ASXL3: variants seen among roughly 807,000 people sequenced by gnomAD.
The protein encoded by ASXL3 is ASXL transcriptional regulator 3.
A neutral mutation model predicts 170.6 loss-of-function variants in ASXL3; 34 were observed. That is an observed-to-expected ratio of 0.20 (90% CI 0.15 to 0.27). The LOEUF (loss-of-function observed/expected upper bound fraction) is 0.27. Among genes scored for constraint, ASXL3 ranks in the 10% least tolerant of loss-of-function variants. The probability of loss-of-function intolerance (pLI) is 1.00; values close to 1 mark genes in which losing one functional copy is unlikely to be tolerated. For synonymous variants in ASXL3, 1,002 were observed against 989.1 expected (o/e 1.01, Z -0.24); for missense variants, 2,592 against 2,695.3 (o/e 0.96, Z 0.85).
intron 8 of ASXL3, among the ~76,000 whole-genome samples, chr18:33,708,603 T>C (rs1941698): frequency 0.55 from 83,690 of 151,580 alleles, 23,531 homozygotes; most frequent in East Asian, 0.87. Context: ...TTGGGGATGG[T>C]TACCTGTCCT....
At chr18:33,640,995 T>C (rs1005491289) in intron 2 of ASXL3, among the ~76,000 whole-genome samples, 2 of 152,014 alleles carry the variant, frequency 1.3e-5, no homozygotes, top group Non-Finnish European at 2.9e-5. Context: ...GTTTAATATA[T>C]GTATTACTGA....
intron 8 of ASXL3, among the ~76,000 whole-genome samples, chr18:33,684,613 A>T (rs1237523721): frequency 6.6e-6 from 1 of 152,128 alleles, no homozygotes; most frequent in Non-Finnish European, 1.5e-5. Context: ...TTCTCTTTCA[A>T]TAACATTTAC....
chr18:33,636,825 G>GT (rs2145184169), intron 2 of ASXL3, among the ~76,000 whole-genome samples: 1 of 152,186 alleles, frequency 6.6e-6, no homozygotes, highest in African/African-American at 2.4e-5. Flanking sequence ...TTGAATATTT[G>GT]TGTTATACCA....
At chr18:33,649,345 A>G (rs1239385162) in intron 4 of ASXL3, among the ~76,000 whole-genome samples, 2 of 152,088 alleles carry the variant, frequency 1.3e-5, no homozygotes, top group African/African-American at 4.8e-5. Flanking sequence ...GTAGGCCAGT[A>G]CTTGTGGAAG....
intron 2 of ASXL3, among the ~76,000 whole-genome samples, chr18:33,618,751 A>G (rs1196678297): frequency 6.6e-6 from 1 of 152,114 alleles, no homozygotes; most frequent in African/African-American, 2.4e-5. Flanking sequence ...TCTGTGAAGC[A>G]TATCTTAAGC....
intron 2 of ASXL3, among the ~76,000 whole-genome samples, chr18:33,621,553 A>C (rs1225789176): frequency 1.3e-5 from 2 of 152,118 alleles, no homozygotes; most frequent in Non-Finnish European, 2.9e-5. Flanking sequence ...GTGATCTAAA[A>C]TTTTTGATTC....
At chr18:33,640,932 G>A (rs1388753247) in intron 2 of ASXL3, among the ~76,000 whole-genome samples, 1 of 151,514 alleles carries the variant, frequency 6.6e-6, no homozygotes, top group Admixed American at 6.6e-5. Context: ...AATGTTAGCA[G>A]GAAATAGATT....
intron 1 of ASXL3, chr18:33,578,945 C>T: frequency 5.4e-6 from 1 of 186,140 alleles, no homozygotes; most frequent in East Asian, 1.5e-4. Flanking sequence ...GTACTTCGCT[C>T]TCGGGGCTCT....
At chr18:33,729,700 G>A (rs1271590896) in intron 8 of ASXL3, among the ~76,000 whole-genome samples, 1 of 152,110 alleles carries the variant, frequency 6.6e-6, no homozygotes, top group African/African-American at 2.4e-5. Flanking sequence ...GTCTCAAGCT[G>A]GTTTTAAGGA....
At chr18:33,596,826 C>G (rs561066540) in intron 1 of ASXL3, among the ~76,000 whole-genome samples, 17 of 152,142 alleles carry the variant, frequency 1.1e-4, no homozygotes, top group African/African-American at 3.4e-4. Flanking sequence ...CATTCATTTA[C>G]TCATTTTGAG....
intron 8 of ASXL3, among the ~76,000 whole-genome samples, chr18:33,722,601 C>T (rs1032012060): frequency 5.3e-5 from 8 of 151,982 alleles, no homozygotes; most frequent in Non-Finnish European, 8.8e-5. Context: ...GAGATTAGCT[C>T]ATGAGGCTTA....
At chr18:33,625,436 A>G (rs2065587578) in intron 2 of ASXL3, among the ~76,000 whole-genome samples, 1 of 152,198 alleles carries the variant, frequency 6.6e-6, no homozygotes, top group Non-Finnish European at 1.5e-5. Flanking sequence ...AATTTTAGGA[A>G]GAAAACTACT....
intron 8 of ASXL3, among the ~76,000 whole-genome samples, chr18:33,702,348 A>G (rs1599515382): frequency 1.3e-5 from 2 of 151,974 alleles, no homozygotes; most frequent in African/African-American, 4.8e-5. Context: ...GCATCCATAT[A>G]TACTACTCCT....
At chr18:33,582,735 TGTG>T (rs1568262120) in intron 1 of ASXL3, among the ~76,000 whole-genome samples, 56 of 150,638 alleles carry the variant, frequency 3.7e-4, no homozygotes, top group African/African-American at 1.4e-3. Flanking sequence ...TGTGTGTGTG[TGTG>T]TGTTTTCTTG....
chr18:33,713,625 A>T (rs1191613610), intron 8 of ASXL3, among the ~76,000 whole-genome samples: 3 of 151,910 alleles, frequency 2.0e-5, no homozygotes, highest in Non-Finnish European at 4.4e-5. Context: ...TAATATTCAA[A>T]CCTTATGTGT....
At chr18:33,597,303 A>G (rs1183372903) in intron 1 of ASXL3, among the ~76,000 whole-genome samples, 1 of 152,016 alleles carries the variant, frequency 6.6e-6, no homozygotes, top group African/African-American at 2.4e-5. Flanking sequence ...ACTGGAATAT[A>G]TGCGTCCTCT....
intron 5 of ASXL3, among the ~76,000 whole-genome samples, chr18:33,662,873 A>G (rs2145235948): frequency 6.6e-6 from 1 of 152,324 alleles, no homozygotes; most frequent in East Asian, 1.9e-4. Flanking sequence ...TAATATGCAC[A>G]TCCAAACTTC....
At chr18:33,641,530 T>C (rs1334968194) in intron 2 of ASXL3, among the ~76,000 whole-genome samples, 1 of 152,054 alleles carries the variant, frequency 6.6e-6, no homozygotes, top group Non-Finnish European at 1.5e-5. Context: ...TCTAGTTATA[T>C]TTATTATATA....
chr18:33,733,367 C>T (rs1245605444), intron 9 of ASXL3, among the ~76,000 whole-genome samples: 1 of 152,152 alleles, frequency 6.6e-6, no homozygotes, highest in African/African-American at 2.4e-5. Context: ...CACAACTGTC[C>T]TCATAGTTCC....
Sources: allele counts gnomAD v4.1 joint callset (sites outside exome capture counted in the v4.1 genomes callset), GRCh38; gene constraint gnomAD v4.1.1; transcripts MANE v1.5; gene names NCBI Gene and HGNC (gene_info 2026-07-23, HGNC 2026-07-21).